The following GLRX2 variants were observed in gnomAD, a reference collection of about 807,000 sequenced individuals.
The protein encoded by GLRX2 is glutaredoxin 2, also known as bA101E13.1 (GRX2 glutaredoxin (thioltransferase) 2).
A neutral mutation model predicts 16.4 loss-of-function variants in GLRX2; 12 were observed. The ratio of observed to expected loss-of-function variants is 0.73; its 90% CI spans 0.47 to 1.19. The LOEUF is 1.19. GLRX2 is among the 50% of genes most tolerant of loss of function. The pLI, the probability that GLRX2 is intolerant of heterozygous loss-of-function variation, is 0.00. For missense variants in GLRX2, 201 were observed against 201.8 expected (o/e 1.00, Z 0.02); for synonymous variants, 95 against 76.2 (o/e 1.25, Z -1.28).
chr1:193,098,862 T>C (rs1675014861), intron 2 of GLRX2, among the ~76,000 whole-genome samples: 1 of 152,208 alleles, frequency 6.6e-6, no homozygotes, highest in Admixed American at 6.5e-5. Context: ...CAAAACATTA[T>C]ACTTCTTTTC....
intron 2 of GLRX2, among the ~76,000 whole-genome samples, chr1:193,098,810 C>G (rs1675013365): frequency 6.6e-6 from 1 of 152,142 alleles, no homozygotes; most frequent in Non-Finnish European, 1.5e-5. Context: ...CTCAGCCTCC[C>G]AAAGTGCTGG....
rs1228767580 is a variant in GLRX2, at chr1:193,097,670, C to A, written c.274G>T (p.Val92Phe). 2 of 1,613,258 alleles carry A rather than the reference C, an allele frequency of 1.2e-6. No homozygotes were observed. The highest frequency in any genetic ancestry group is 2.2e-5 in the South Asian group (2 of 90,982). ...TCCAGTTCCACCACTTTATAGTTAA[C>A]ATTCATGTCATGGAAAAGCTTTTTT... ...MAKKLFHDMN[V>F]NYKVVELDLL... The change falls in exon 3 of 4, where the codon GTT becomes TTT. Residue 92 changes from valine (V) to phenylalanine (F), a missense_variant. Coordinates refer to ENST00000367439, the MANE Select transcript of GLRX2 (RefSeq NM_197962.3).
upstream of GLRX2, chr1:193,105,424 C>A (rs1572131393): frequency 6.8e-7 from 1 of 1,471,460 alleles, no homozygotes; most frequent in Non-Finnish European, 8.9e-7. Flanking sequence ...TGCCGGACAC[C>A]GCGGATCCCG....
At chr1:193,105,537 C>T, upstream of GLRX2, 1 of 1,576,512 alleles carries the variant, frequency 6.3e-7, no homozygotes, top group Non-Finnish European at 8.6e-7. Flanking sequence ...CTGAGCGCGT[C>T]CTCCCAGGGC....
intron 3 of GLRX2, 78 bp from the exon 4 acceptor site, chr1:193,096,837 T>C: frequency 3.7e-6 from 4 of 1,095,840 alleles, no homozygotes; most frequent in Non-Finnish European, 5.2e-6. Context: ...AACGAGACAT[T>C]TGAACTCTGG....
chr1:193,104,323 A>G (rs1675139626), intron 1 of GLRX2, among the ~76,000 whole-genome samples: 1 of 152,188 alleles, frequency 6.6e-6, no homozygotes, highest in African/African-American at 2.4e-5. Context: ...TGAAGCACCT[A>G]GTCATGCCAC....
chr1:193,103,687 G>C (rs1437423957), intron 1 of GLRX2, among the ~76,000 whole-genome samples: 3 of 152,100 alleles, frequency 2.0e-5, no homozygotes, highest in Non-Finnish European at 4.4e-5. Context: ...GCAAACATCA[G>C]TTTGTTCAGT....
Position 193,105,302 on chromosome 1 carries a change from C to T in GLRX2, c.81G>A (p.Ala27=), listed in dbSNP as rs1300593405. 1.3e-6 allele frequency: 2 copies of T among 1,532,460 alleles called. No individual in the cohort carries two copies. Among genetic ancestry groups the T allele is most frequent in the Admixed American group, 3.8e-5 (2 of 52,244 alleles). 94.9% of individuals were successfully genotyped at this position (1,532,460 alleles called of 1,614,324 possible). A position where few individuals can be genotyped will look rare whatever the true frequency, so the allele number is the denominator to read the frequency against. The change falls in exon 1 of 4, where the codon GCG becomes GCA. Residue 27 remains alanine (A), a synonymous_variant. Transcript: ENST00000367439. ...CTGCCGCAGCTCCCGCAGCTCCCGC[C>T]GCCCTGTCAAGCCAGCCTGCCGAGC... ...RSGSAGWLDR[A]AGAAGAAAAA...
upstream of GLRX2, chr1:193,105,731 G>C: frequency 7.0e-7 from 1 of 1,437,352 alleles, no homozygotes; most frequent in South Asian, 1.5e-5. Context: ...TGGCAGACAT[G>C]CTGGGGAAAC....
chr1:193,105,146 C>A lies in GLRX2; in HGVS notation c.119+118G>T, dbSNP rs1268823709. The A allele has an allele frequency of 6.5e-6, 9 of 1,387,970 alleles. No individual in the cohort carries two copies. The Admixed American group carries it at 1.9e-4, about 29-fold the overall frequency. The allele number at this position is 1,387,970 out of a possible 1,614,324, so 86.0% of individuals were successfully genotyped here. A position where few individuals can be genotyped will look rare whatever the true frequency, so the allele number is the denominator to read the frequency against. On this transcript the variant is annotated intron_variant, in intron 1 of 3. Coordinates refer to ENST00000367439, the MANE Select transcript of GLRX2 (RefSeq NM_197962.3). The stretch of plus-strand genomic sequence containing the variant: ...CGTGTTATGACTCAGAGCCCACGCG[C>A]TAGTACGCCTCGCCCACCCGGCGCC...
Position 193,105,347 on chromosome 1 carries a change from C to A in GLRX2, c.36G>T (p.Arg12=). ...IWRRAALAGT[R]LVWSRSGSAG... ...CCGAGCCGCTCCTGCTCCAAACCAG[C>A]CGCGTCCCCGCCAGCGCCGCGCGGC... is the stretch of plus-strand genomic sequence containing the variant. Residue 12 remains arginine, a synonymous_variant, in exon 1 of 4, where the codon CGG becomes CGT. Transcript: ENST00000367439. 6.5e-7 allele frequency: 1 copy of A among 1,547,478 alleles called. No individual in the cohort carries two copies.
chr1:193,105,033 A>G (rs1342163118), intron 1 of GLRX2, among the ~76,000 whole-genome samples: 1 of 152,174 alleles, frequency 6.6e-6, no homozygotes, highest in African/African-American at 2.4e-5. Flanking sequence ...AACATGAGTG[A>G]AGTATTTTCA....
chr1:193,105,104 T>C, intron 1 of GLRX2, 160 bp downstream of exon 1: 1 of 767,178 alleles, frequency 1.3e-6, no homozygotes, highest in Non-Finnish European at 1.6e-6. Flanking sequence ...TCCCTGCCCA[T>C]CCCTCGAGCG....
At chr1:193,106,102 T>A, upstream of GLRX2, 1 of 889,880 alleles carries the variant, frequency 1.1e-6, no homozygotes, top group Non-Finnish European at 1.3e-6. Flanking sequence ...TCAGTGGTGG[T>A]AATAATAGCC....
chr1:193,102,119 C>T (rs745760129), intron 1 of GLRX2, among the ~76,000 whole-genome samples: 2 of 151,880 alleles, frequency 1.3e-5, no homozygotes, highest in South Asian at 2.1e-4. Context: ...GAGAATTACT[C>T]GAATATCTAA....
chr1:193,100,007 A>G lies in GLRX2; in HGVS notation c.183+1134T>C, dbSNP rs570348462. The stretch of plus-strand genomic sequence containing the variant: ...TCAGGTTACAAGACACACTAACACC[A>G]TCGTGTAGGGAGAGATGAGCTTCCA... On this transcript the variant is annotated intron_variant, in intron 2 of 3. Coordinates refer to ENST00000367439, the MANE Select transcript of GLRX2 (RefSeq NM_197962.3). 2.7e-3 allele frequency among the ~76,000 whole-genome samples: 413 copies of G among 152,268 alleles called. 2 individuals are homozygous for G. The highest frequency in any genetic ancestry group is 9.3e-3 in the African/African-American group (385 of 41,548).
At chr1:193,097,803 C>G (rs1278576428) in intron 2 of GLRX2, 43 bp from the exon 3 acceptor site, 6 of 1,348,204 alleles carry the variant, frequency 4.5e-6, no homozygotes, top group Non-Finnish European at 6.0e-6. Context: ...CTAGACATTA[C>G]CATTTGGAAA....
At chr1:193,101,571 C>T (rs1675078197) in intron 1 of GLRX2, among the ~76,000 whole-genome samples, 1 of 152,138 alleles carries the variant, frequency 6.6e-6, no homozygotes, top group South Asian at 2.1e-4. Flanking sequence ...GTAAAACATG[C>T]CAAAACTCTA....
intron 1 of GLRX2, 147 bp downstream of exon 1, chr1:193,105,117 T>C (rs948397949): frequency 7.9e-7 from 1 of 1,266,126 alleles, no homozygotes; most frequent in Non-Finnish European, 1.0e-6. Flanking sequence ...CTCGAGCGCC[T>C]CTGCGTGTTA....
Sources: gnomAD v4.1 joint callset for allele counts (sites outside exome capture counted in the v4.1 genomes callset) on GRCh38, gnomAD v4.1.1 for gene constraint, MANE v1.5 for transcripts, NCBI Gene and HGNC (gene_info 2026-07-23, HGNC 2026-07-21) for gene names.